Variants in HJURP observed in about 807,000 individuals in gnomAD.
HJURP encodes the protein 14-3-3-associated AKT substrate.
Under a neutral mutation model 72.0 loss-of-function variants are expected in HJURP, and 49 were observed. The ratio of observed to expected loss-of-function variants is 0.68; its 90% confidence interval spans 0.54 to 0.86. The LOEUF is 0.86. Among genes scored for constraint, HJURP ranks in the 40% least tolerant of loss-of-function variants. The pLI, the probability that HJURP is intolerant of heterozygous loss-of-function variation, is 0.00. For missense variants in HJURP, 908 were observed against 936.3 expected, an observed-to-expected ratio of 0.97 and a Z score of 0.39; for synonymous variants, 357 against 347.1, an observed-to-expected ratio of 1.03 and a Z score of -0.32.
intron 3 of HJURP, 136 bp downstream of exon 3, chr2:233,852,427 GAA>G: frequency 1.6e-6 from 1 of 623,278 alleles, no homozygotes; most frequent in Non-Finnish European, 2.9e-6. Flanking sequence ...CTTAAAAACA[GAA>G]AGAGTATAAT....
chr2:233,853,075 T>C (rs1337381830), intron 2 of HJURP, among the ~76,000 whole-genome samples: 7 of 152,250 alleles, frequency 4.6e-5, no homozygotes, highest in Admixed American at 4.6e-4. Flanking sequence ...AGTTTCTGCC[T>C]GTGTAAACTT....
At position 233,837,367 on chromosome 2, in the gene HJURP, G is replaced by A; in HGVS notation, c.*210C>T. The A allele has an allele frequency of 2.8e-5, 11 of 391,436 alleles. No homozygotes were observed. The highest frequency in any genetic ancestry group is 4.9e-5 in the South Asian group (1 of 20,582). The allele number at this position is 391,436 out of a possible 1,614,324, so 24.2% of individuals were successfully genotyped here. A position where few individuals can be genotyped will look rare whatever the true frequency, so the allele number is the denominator to read the frequency against. ...ACATCAGAAAAACAGGCCTATCAAA[G>A]AGAACCCTAAAAATTCTAATTGAGC... On this transcript the variant is annotated 3_prime_UTR_variant, in exon 9 of 9. Coordinates refer to ENST00000411486, the MANE Select transcript of HJURP (RefSeq NM_018410.5).
At chr2:233,838,510 T>C (rs932177510) in intron 8 of HJURP, among the ~76,000 whole-genome samples, 2 of 152,026 alleles carry the variant, frequency 1.3e-5, no homozygotes, top group Non-Finnish European at 2.9e-5. Context: ...TGCCAGATCA[T>C]GGAACAAGGT....
intron 5 of HJURP, 37 bp downstream of exon 5, chr2:233,847,360 C>T: frequency 1.3e-6 from 2 of 1,546,978 alleles, no homozygotes; most frequent in Admixed American, 1.7e-5. Context: ...CCCCCAAGCG[C>T]CCCCTCTGTC....
In HJURP at chr2:233,849,862, C is replaced by G; in HGVS notation, c.241-3G>C. The G allele has an allele frequency of 6.5e-7, 1 of 1,536,836 alleles. No homozygotes were observed. Among genetic ancestry groups the G allele is most frequent in the South Asian group, 1.2e-5 (1 of 83,744 alleles). The stretch of plus-strand genomic sequence containing the variant: ...TCCGCGGGCTTCATGGAGGAGTCCT[C>G]CAAGTGCAGAAGCCAATAAAAACAT... On this transcript the variant is annotated splice_region_variant and splice_polypyrimidine_tract_variant and intron_variant, in intron 3 of 8. Coordinates refer to ENST00000411486, the MANE Select transcript of HJURP (RefSeq NM_018410.5).
At chr2:233,840,155 T>G (rs1214971898) in intron 8 of HJURP, among the ~76,000 whole-genome samples, 2 of 151,570 alleles carry the variant, frequency 1.3e-5, no homozygotes, top group African/African-American at 4.9e-5. Context: ...AATACTGTGC[T>G]CGTGGCTCTC....
chr2:233,841,983 C>A lies in HJURP; in HGVS notation c.797G>T (p.Gly266Val). 1 of 1,614,160 alleles carries A rather than the reference C, an allele frequency of 6.2e-7. No homozygotes were observed. Among genetic ancestry groups the A allele is most frequent in the South Asian group, 1.1e-5 (1 of 91,080 alleles). Reference sequence around the variant, plus strand: ...CAGCCGGCTCATGGAGTGCAGCATCCCTGCGTACAGGTCACTGATGGTCAC... The same window carrying A: ...CAGCCGGCTCATGGAGTGCAGCATCACTGCGTACAGGTCACTGATGGTCAC... ...CNVTISDLYA[G>V]MLHSMSRLLS... Residue 266 changes from glycine (G) to valine (V), a missense_variant, in exon 8 of 9, where the codon GGG becomes GTG. Physicochemically the swap from Gly to Val is moderately radical, Grantham distance 109 (BLOSUM62 -3). This residue lies in a region of HJURP where 598 missense variants were observed against 619.5 expected (regional missense o/e 0.97). Coordinates refer to ENST00000411486, the MANE Select transcript of HJURP (RefSeq NM_018410.5).
intron 4 of HJURP, among the ~76,000 whole-genome samples, chr2:233,849,416 C>T (rs531640952): frequency 9.2e-5 from 14 of 152,140 alleles, no homozygotes; most frequent in East Asian, 1.9e-4. Context: ...CCTAGGAGGA[C>T]GAAGTGGGAA....
chr2:233,839,345 A>G (rs1237816421), intron 8 of HJURP, among the ~76,000 whole-genome samples: 1 of 152,170 alleles, frequency 6.6e-6, no homozygotes, highest in Non-Finnish European at 1.5e-5. Flanking sequence ...GGTGGAGTCT[A>G]GGGAGGATGT....
rs150936164 is a variant in HJURP, at chr2:233,854,465, G to T, written c.36C>A (p.Asp12Glu). Residue 12 changes from aspartate (D) to glutamate (E), a missense_variant, in exon 1 of 9, where the codon GAC (aspartate) becomes GAA (glutamate). Physicochemically the swap from Asp to Glu is conservative, Grantham distance 45 (BLOSUM62 2). This residue lies in a region of HJURP where 299 missense variants were observed against 286.7 expected (regional missense o/e 1.04). Transcript: ENST00000411486. The stretch of plus-strand genomic sequence containing the variant: ...TCTGCAGCAGCTGGTCGTCTTCCAC[G>T]TCCTCGCCCTCCATGGCGCGCAGCG... ...LGTLRAMEGEDVEDDQLLQKL... is the reference protein window; with the variant it reads ...LGTLRAMEGEEVEDDQLLQKL... 489 of 1,612,566 alleles carry T rather than the reference G, an allele frequency of 3.0e-4. 2 individuals are homozygous for T. The highest frequency in any genetic ancestry group is 1.2e-3 in the South Asian group (110 of 90,960).
rs1421903367 is a variant in HJURP, at chr2:233,846,383, T to C, written c.403-563A>G. Among the ~76,000 whole-genome samples, 2 of 152,076 alleles carry C rather than the reference T, an allele frequency of 1.3e-5. No individual in the cohort carries two copies. The highest frequency in any genetic ancestry group is 6.5e-5 in the Admixed American group (1 of 15,268). ...AGGAGAATCGCTTGAACCCAGGAAG[T>C]AGAGGTTGCAGTGAGCTGAGATTGC... On this transcript the variant is annotated intron_variant, in intron 5 of 8. Transcript: ENST00000411486. The surrounding 1 kb of genome is among the most constrained non-coding windows in gnomAD (Gnocchi z 4.3).
rs1452208884 is a variant in HJURP at position 233,847,446 on chromosome 2, T to C, written c.353A>G (p.Glu118Gly). The change falls in exon 5 of 9, where the codon GAG becomes GGG. Residue 118 changes from glutamate to glycine, a missense_variant. Physicochemically the swap from Glu to Gly is moderately conservative, Grantham distance 98. Around this residue, in one of 3 missense-constraint regions of HJURP, gnomAD observed 299 missense variants for 286.7 expected, o/e 1.04. Coordinates refer to ENST00000411486, the MANE Select transcript of HJURP (RefSeq NM_018410.5). Reference protein sequence around the residue: ...TVLGADSKSGEVDATSDQEES... With the variant: ...TVLGADSKSGGVDATSDQEES... ...TTCCTGGTCTGACGTGGCATCGACC[T>C]CACCGCTTTTTGAATCTAAAAGTCA... 1.2e-6 allele frequency: 2 copies of C among 1,613,968 alleles called. No homozygotes were observed. The highest frequency in any genetic ancestry group is 4.5e-5 in the East Asian group (2 of 44,904).
chr2:233,854,316 C>G (rs1705565330), intron 1 of HJURP, 68 bp downstream of exon 1: 1 of 1,130,722 alleles, frequency 8.8e-7, no homozygotes, highest in African/African-American at 1.5e-5. Flanking sequence ...CCTTCCCGTC[C>G]TACGTCCCCT....
At chr2:233,844,395 G>A (rs1031761802) in intron 6 of HJURP, 112 bp from the exon 7 acceptor site, 10 of 782,290 alleles carry the variant, frequency 1.3e-5, no homozygotes, top group South Asian at 7.6e-5. Context: ...CAGCCATGTC[G>A]ACAAGCGTGT....
chr2:233,845,527 T>A (rs1252510117), intron 6 of HJURP, among the ~76,000 whole-genome samples: 1 of 152,188 alleles, frequency 6.6e-6, no homozygotes, highest in East Asian at 1.9e-4. Context: ...ACCTTCCTGA[T>A]GGCGCTGCCC....
At chr2:233,853,603 AG>A (rs1432461439) in intron 2 of HJURP, among the ~76,000 whole-genome samples, 6 of 152,170 alleles carry the variant, frequency 3.9e-5, no homozygotes, top group Admixed American at 3.3e-4. Flanking sequence ...CATGGTGGGG[AG>A]GTGGCCAGCG....
At chr2:233,847,483 C>G in intron 4 of HJURP, 22 bp from the exon 5 acceptor site, 1 of 1,607,780 alleles carries the variant, frequency 6.2e-7, no homozygotes, top group Non-Finnish European at 8.5e-7. Flanking sequence ...ACAAGTAAAT[C>G]TCAATCAGGA....
intron 8 of HJURP, among the ~76,000 whole-genome samples, chr2:233,839,371 C>T (rs1222667955): frequency 6.6e-6 from 1 of 152,162 alleles, no homozygotes; most frequent in African/African-American, 2.4e-5. Flanking sequence ...GATGCAATAG[C>T]AAAGAACTGG....
Position 233,846,032 on chromosome 2 carries a change from A to ACACAC in HJURP, c.403-213_403-212insGTGTG, listed in dbSNP as rs199672598. 576 of 473,856 alleles carry ACACAC rather than the reference A, an allele frequency of 1.2e-3. 2 individuals are homozygous for ACACAC. Among genetic ancestry groups the ACACAC allele is most frequent in the African/African-American group, 0.01 (511 of 51,082 alleles). The allele number at this position is 473,856 out of a possible 1,614,324, so 29.4% of individuals were successfully genotyped here. A position where few individuals can be genotyped will look rare whatever the true frequency, so the allele number is the denominator to read the frequency against. On this transcript the variant is annotated intron_variant, in intron 5 of 8. Coordinates refer to ENST00000411486, the MANE Select transcript of HJURP (RefSeq NM_018410.5). The surrounding 1 kb of genome is among the most constrained non-coding windows in gnomAD (Gnocchi z 4.3). The stretch of plus-strand genomic sequence containing the variant: ...GAATGTAAAAAGACACACACACACA[A>ACACAC]AAAAACCATGTCTAGAGAAGTTTAT...
Sources: gnomAD v4.1 joint callset for allele counts (sites outside exome capture counted in the v4.1 genomes callset) on GRCh38, gnomAD v4.1.1 for gene constraint, gnomAD v4.1.1 regional missense constraint, Gnocchi (gnomAD v3.1) non-coding constraint, MANE v1.5 for transcripts, NCBI Gene and HGNC (gene_info 2026-07-23, HGNC 2026-07-21) for gene names.